Variants in NAA15 observed in about 807,000 individuals in gnomAD.
NAA15 encodes the protein N-terminal acetyltransferase.
NAA15 carries 34 observed loss-of-function variants against 114.0 expected under a neutral mutation model. The ratio of observed to expected loss-of-function variants is 0.30; its 90% CI spans 0.23 to 0.40. NAA15 has a LOEUF of 0.40. NAA15 is among the 10% of genes least tolerant of loss of function. The probability of loss-of-function intolerance (pLI) is 1.00; values close to 1 mark genes in which losing one functional copy is unlikely to be tolerated. For synonymous variants in NAA15, 340 were observed against 338.0 expected (o/e 1.01, Z -0.06); for missense variants, 658 against 1,004.5 (o/e 0.66, Z 4.66).
intron 2 of NAA15, among the ~76,000 whole-genome samples, chr4:139,335,222 TA>T (rs1258253962): frequency 6.6e-6 from 1 of 152,198 alleles, no homozygotes; most frequent in Non-Finnish European, 1.5e-5. Flanking sequence ...TTTTCCATAT[TA>T]AAAATTATTT....
intron 4 of NAA15, among the ~76,000 whole-genome samples, chr4:139,342,483 T>TTC: frequency 6.6e-6 from 1 of 150,554 alleles, no homozygotes. Context: ...ATGTGTGTTT[T>TTC]TTTTTTTTTT....
chr4:139,347,970 T>G (rs1377863716), intron 6 of NAA15, among the ~76,000 whole-genome samples: 1 of 147,118 alleles, frequency 6.8e-6, no homozygotes, highest in Non-Finnish European at 1.5e-5. Flanking sequence ...AAGCGGAGCT[T>G]GCAGTGAGCC....
chr4:139,342,563 C>T (rs904812922), intron 4 of NAA15, among the ~76,000 whole-genome samples: 2 of 151,372 alleles, frequency 1.3e-5, no homozygotes, highest in African/African-American at 4.9e-5. Flanking sequence ...GATTCTCCCG[C>T]CTCAGCCTCC....
intron 17 of NAA15, among the ~76,000 whole-genome samples, chr4:139,382,210 C>G (rs1173996237): frequency 1.3e-5 from 2 of 151,860 alleles, no homozygotes; most frequent in Non-Finnish European, 2.9e-5. Flanking sequence ...TTTTTTTATC[C>G]TTTTTGTAAT....
chr4:139,342,479 G>GTTTTTTT (rs11402847), intron 4 of NAA15, among the ~76,000 whole-genome samples: 4 of 125,548 alleles, frequency 3.2e-5, no homozygotes, highest in African/African-American at 6.0e-5. Context: ...ATTAATGTGT[G>GTTTTTTT]TTTTTTTTTT....
chr4:139,385,560 C>T (rs1038583193), intron 18 of NAA15, among the ~76,000 whole-genome samples: 3 of 152,010 alleles, frequency 2.0e-5, no homozygotes, highest in Non-Finnish European at 4.4e-5. Context: ...TCAGAGTTGA[C>T]AGTGCTAAAC....
chr4:139,364,331 TA>T (rs1748218275), intron 14 of NAA15, among the ~76,000 whole-genome samples: 1 of 152,246 alleles, frequency 6.6e-6, no homozygotes, highest in African/African-American at 2.4e-5. Flanking sequence ...AGGCTTTTTC[TA>T]CTTAAAAATT....
intron 15 of NAA15, among the ~76,000 whole-genome samples, chr4:139,373,785 G>A (rs1045383716): frequency 4.6e-5 from 7 of 151,394 alleles, no homozygotes; most frequent in Non-Finnish European, 1.0e-4. Flanking sequence ...GCAACACTCC[G>A]CCTCCCAGGT....
chr4:139,318,358 A>G (rs1431437527), intron 1 of NAA15: 2 of 152,100 alleles, frequency 1.3e-5, no homozygotes, highest in Non-Finnish European at 2.9e-5. Flanking sequence ...TTGAAACCCT[A>G]TTAGTTTTTT....
intron 1 of NAA15, among the ~76,000 whole-genome samples, chr4:139,310,395 A>C (rs1473932754): frequency 6.8e-6 from 1 of 147,848 alleles, no homozygotes; most frequent in East Asian, 2.0e-4. Flanking sequence ...CGGAGCTTGC[A>C]GTGAGCCGAG....
intron 1 of NAA15, among the ~76,000 whole-genome samples, chr4:139,316,313 A>T (rs903706426): frequency 6.6e-6 from 1 of 151,824 alleles, no homozygotes; most frequent in African/African-American, 2.4e-5. Flanking sequence ...TATATGTATG[A>T]CTTTTCTTTG....
intron 15 of NAA15, among the ~76,000 whole-genome samples, 169 bp from the exon 16 acceptor site, chr4:139,376,196 A>G (rs575270531): frequency 2.2e-4 from 33 of 152,294 alleles, no homozygotes; most frequent in African/African-American, 7.0e-4. Context: ...TAAGAATTCT[A>G]GAATTCAAAA....
chr4:139,307,463 C>T (rs568860576), intron 1 of NAA15, among the ~76,000 whole-genome samples: 1 of 152,302 alleles, frequency 6.6e-6, no homozygotes, highest in East Asian at 1.9e-4. Flanking sequence ...GACGGGGTTT[C>T]GCCATGTTGG....
rs1748073109 is a variant in NAA15 at position 139,359,689 on chromosome 4, T to C, written c.1258-54T>C. On this transcript the variant is annotated intron_variant, in intron 11 of 19. Coordinates refer to ENST00000296543, the MANE Select transcript of NAA15 (RefSeq NM_057175.5). ...ATTTATCAACAGATAATGAATTACC[T>C]GCACAGTAAACTTAGCATGCTAACT... 3.9e-6 allele frequency: 6 copies of C among 1,525,896 alleles called. No homozygotes were observed. In the East Asian group the frequency reaches 1.2e-4, roughly 30 times the overall value. The allele number at this position is 1,525,896 out of a possible 1,614,324, so 94.5% of individuals were successfully genotyped here. A position where few individuals can be genotyped will look rare whatever the true frequency, so the allele number is the denominator to read the frequency against.
In NAA15 at chr4:139,342,528, C is replaced by T. The variant is rs1466976077; in HGVS notation, c.403-298C>T. Reference sequence around the variant, plus strand: ...GGCGTCTTGCTCTGTTGCCAGGCTGCAACCTCTGCCTCCCGGGTTCAAGTG... The same window carrying T: ...GGCGTCTTGCTCTGTTGCCAGGCTGTAACCTCTGCCTCCCGGGTTCAAGTG... On this transcript the variant is annotated intron_variant, in intron 4 of 19. Coordinates refer to ENST00000296543, the MANE Select transcript of NAA15 (RefSeq NM_057175.5). Among the ~76,000 whole-genome samples the T allele has an allele frequency of 4.9e-5, 7 of 142,442 alleles. No homozygotes were observed. The East Asian group carries it at 1.2e-3, about 25-fold the overall frequency. 93.4% of individuals were successfully genotyped at this position (142,442 alleles called of 152,430 possible). A position where few individuals can be genotyped will look rare whatever the true frequency, so the allele number is the denominator to read the frequency against.
At position 139,301,736 on chromosome 4, in the gene NAA15, C is replaced by A. The variant is rs1745756222; in HGVS notation, c.-42C>A. The A allele has an allele frequency of 6.5e-7, 1 of 1,540,724 alleles. No homozygotes were observed. ...GGCGGCGGTCGGACAAACTGACTGA[C>A]CGAGCCGGGTGGTGGCGGGAGCAGC... On this transcript the variant is annotated 5_prime_UTR_variant, in exon 1 of 20. Transcript: ENST00000296543.
intron 11 of NAA15, 56 bp from the exon 12 acceptor site, chr4:139,359,687 C>T: frequency 6.7e-7 from 1 of 1,499,090 alleles, no homozygotes; most frequent in South Asian, 1.3e-5. Flanking sequence ...TAATGAATTA[C>T]CTGCACAGTA....
chr4:139,315,038 TAGG>T lies in NAA15; in HGVS notation c.54+13208_54+13210del, dbSNP rs1746355899. On this transcript the variant is annotated intron_variant, in intron 1 of 19. Coordinates refer to ENST00000296543, the MANE Select transcript of NAA15 (RefSeq NM_057175.5). ...TAGGTTAGGTTAGGTTAGGTTAGGTTAGGTTAGGTTAGGTTAGTTTAGTTTAGT... is the reference window on the plus strand; with the variant it reads ...TAGGTTAGGTTAGGTTAGGTTAGGTTTTAGGTTAGGTTAGTTTAGTTTAGT... Among the ~76,000 whole-genome samples the T allele has an allele frequency of 2.5e-5, 3 of 121,600 alleles. 1 individual carries two copies. Among genetic ancestry groups the T allele is most frequent in the African/African-American group, 4.5e-5 (1 of 22,294 alleles). 79.8% of individuals were successfully genotyped at this position (121,600 alleles called of 152,430 possible).
intron 9 of NAA15, 84 bp downstream of exon 9, chr4:139,351,695 A>G (rs1278740863): frequency 4.4e-6 from 3 of 675,488 alleles, no homozygotes; most frequent in African/African-American, 1.8e-5. Context: ...ATCTCTGCAC[A>G]GTAGTACGTG....
Sources: allele counts gnomAD v4.1 joint callset (sites outside exome capture counted in the v4.1 genomes callset), GRCh38; gene constraint gnomAD v4.1.1; transcripts MANE v1.5; gene names NCBI Gene and HGNC (gene_info 2026-07-23, HGNC 2026-07-21).